Variants in PDE1C observed in about 807,000 individuals in gnomAD.
PDE1C encodes the protein dual specificity calcium/calmodulin-dependent 3',5'-cyclic nucleotide phosphodiesterase 1C.
In PDE1C, 62 loss-of-function variants were observed where a neutral mutation model predicts 93.1. That is an observed-to-expected ratio of 0.67 (90% CI 0.54 to 0.82). PDE1C has a LOEUF of 0.82. Among genes scored for constraint, PDE1C ranks in the 40% least tolerant of loss-of-function variants. The pLI is 0.00. For synonymous variants in PDE1C, 325 were observed against 310.1 expected, an observed-to-expected ratio of 1.05 and a Z score of -0.50; for missense variants, 742 against 884.6, an observed-to-expected ratio of 0.84 and a Z score of 2.04.
intron 2 of PDE1C, among the ~76,000 whole-genome samples, chr7:31,913,317 AT>A (rs1330897231): frequency 2.0e-5 from 3 of 152,222 alleles, no homozygotes; most frequent in Non-Finnish European, 4.4e-5. Context: ...AAATTTCAGC[AT>A]TTCTTAACAG....
At chr7:31,961,648 C>T (rs1426701032) in intron 2 of PDE1C, among the ~76,000 whole-genome samples, 2 of 152,164 alleles carry the variant, frequency 1.3e-5, no homozygotes, top group South Asian at 4.1e-4. Flanking sequence ...CATACTGGAT[C>T]ATGCTGGGAT....
At chr7:32,298,874 C>G in exon 1 of PDE1C, 1 of 1,374,654 alleles carries the variant, frequency 7.3e-7, no homozygotes, top group Non-Finnish European at 9.3e-7. Context: ...CCCCGCCGCG[C>G]GCTGGCAGCT....
the PDE1C span, among the ~76,000 whole-genome samples, chr7:31,719,046 T>C: frequency 6.6e-6 from 1 of 152,188 alleles, no homozygotes; most frequent in Non-Finnish European, 1.5e-5. Context: ...GAAAGAAGTA[T>C]CTGAAGATGG....
At chr7:32,173,528 TA>T (rs960337218) in intron 2 of PDE1C, among the ~76,000 whole-genome samples, 25 of 147,574 alleles carry the variant, frequency 1.7e-4, no homozygotes, top group African/African-American at 4.2e-4. Flanking sequence ...AATTAAAAAT[TA>T]AAAAAAAAAC....
At chr7:31,717,221 A>C in the PDE1C span, among the ~76,000 whole-genome samples, 2 of 152,360 alleles carry the variant, frequency 1.3e-5, no homozygotes, top group East Asian at 3.9e-4. Flanking sequence ...AATGTACTAA[A>C]CATAATTTTT....
At chr7:31,931,781 G>A (rs767699753) in intron 2 of PDE1C, among the ~76,000 whole-genome samples, 7 of 152,242 alleles carry the variant, frequency 4.6e-5, no homozygotes, top group Non-Finnish European at 7.4e-5. Context: ...ATATAGCCAA[G>A]ACAATCCAAA....
At chr7:31,659,570 T>A in the PDE1C span, among the ~76,000 whole-genome samples, 1 of 152,334 alleles carries the variant, frequency 6.6e-6, no homozygotes, top group South Asian at 2.1e-4. Context: ...ATATGTAGAC[T>A]TTTGTATTTT....
At chr7:31,731,616 C>G in the PDE1C span, among the ~76,000 whole-genome samples, 1 of 152,218 alleles carries the variant, frequency 6.6e-6, no homozygotes, top group Non-Finnish European at 1.5e-5. Context: ...TCTCGAACTC[C>G]TGACCTCGTG....
At chr7:32,268,837 A>C (rs536995521) in intron 1 of PDE1C, among the ~76,000 whole-genome samples, 5 of 152,308 alleles carry the variant, frequency 3.3e-5, no homozygotes, top group African/African-American at 1.2e-4. Context: ...CTGGGTCCTC[A>C]AATGCATGCA....
At chr7:31,949,437 G>A (rs369169695) in intron 2 of PDE1C, among the ~76,000 whole-genome samples, 5 of 152,146 alleles carry the variant, frequency 3.3e-5, no homozygotes. Context: ...TCCAGTTTGG[G>A]CAACAAGAGT....
At chr7:32,377,582 G>A (rs553979713) in intron 1 of PDE1C, among the ~76,000 whole-genome samples, 1 of 152,144 alleles carries the variant, frequency 6.6e-6, no homozygotes, top group African/African-American at 2.4e-5. Context: ...AATAATAGCT[G>A]AGGCATAAAT....
chr7:31,936,613 T>C (rs73686828), intron 2 of PDE1C, among the ~76,000 whole-genome samples: 1,674 of 152,246 alleles, frequency 0.011, 34 homozygotes, highest in African/African-American at 0.038. Flanking sequence ...ACTTCAAGGA[T>C]CCTATTAATT....
the PDE1C span, among the ~76,000 whole-genome samples, chr7:31,730,498 G>A: frequency 2.0e-5 from 3 of 152,186 alleles, no homozygotes; most frequent in Admixed American, 2.0e-4. Context: ...GTCTCAGTCT[G>A]ATCTGATTCC....
chr7:31,941,783 C>T (rs960556183), intron 2 of PDE1C, among the ~76,000 whole-genome samples: 6 of 152,168 alleles, frequency 3.9e-5, no homozygotes, highest in African/African-American at 1.4e-4. Context: ...CCCTTACCTT[C>T]TTAAGACAAA....
At chr7:32,098,936 A>G (rs895829332) in intron 3 of PDE1C, among the ~76,000 whole-genome samples, 2 of 152,240 alleles carry the variant, frequency 1.3e-5, no homozygotes, top group African/African-American at 4.8e-5. Flanking sequence ...CTGAAGATGG[A>G]TAGAGGTGAT....
intron 1 of PDE1C, among the ~76,000 whole-genome samples, chr7:32,060,801 T>A (rs889630646): frequency 2.6e-5 from 4 of 152,230 alleles, no homozygotes; most frequent in Non-Finnish European, 4.4e-5. Flanking sequence ...GCTTGATTTA[T>A]GATAATTAAT....
At chr7:32,417,660 C>A in intron 1 of PDE1C, among the ~76,000 whole-genome samples, 1 of 138,186 alleles carries the variant, frequency 7.2e-6, no homozygotes. Context: ...GTACTATAAT[C>A]CCAATTTAGT....
intron 16 of PDE1C, among the ~76,000 whole-genome samples, chr7:31,802,220 A>G (rs555333051): frequency 6.6e-6 from 1 of 151,480 alleles, no homozygotes; most frequent in South Asian, 2.1e-4. Context: ...CTAATCAGCT[A>G]TATATCTTTG....
chr7:31,778,919 C>T (rs1200829366), intron 16 of PDE1C, among the ~76,000 whole-genome samples: 1 of 152,158 alleles, frequency 6.6e-6, no homozygotes, highest in Non-Finnish European at 1.5e-5. Context: ...ATTCAAAGTT[C>T]AAACTCAAAG....
Sources: allele counts gnomAD v4.1 joint callset (sites outside exome capture counted in the v4.1 genomes callset), GRCh38; gene constraint gnomAD v4.1.1; transcripts MANE v1.5; gene names NCBI Gene and HGNC (gene_info 2026-07-23, HGNC 2026-07-21).